CREB3L3: variants seen among roughly 807,000 people sequenced by gnomAD.
CREB3L3 encodes the protein cyclic AMP-responsive element-binding protein 3-like protein 3.
Under a neutral mutation model 44.6 loss-of-function variants are expected in CREB3L3, and 40 were observed. That is an observed-to-expected ratio of 0.90 (90% CI 0.70 to 1.17). The LOEUF is 1.17. CREB3L3 is among the 50% of genes most tolerant of loss of function. The pLI is 0.00. For missense variants in CREB3L3, 578 were observed against 595.8 expected, an observed-to-expected ratio of 0.97 and a Z score of 0.31; for synonymous variants, 273 against 256.3, an observed-to-expected ratio of 1.06 and a Z score of -0.62.
chr19:4,170,165 C>A lies in CREB3L3; in HGVS notation c.847C>A (p.Gln283Lys). Residue 283 changes from glutamine (Q) to lysine (K), a missense_variant, in exon 7 of 10, where the codon CAG becomes AAG. Transcript: ENST00000078445. ...TRMSACTAQNQELQRKVLHLE... is the reference protein window; with the variant it reads ...TRMSACTAQNKELQRKVLHLE... The stretch of plus-strand genomic sequence containing the variant: ...GATGTCAGCTTGCACTGCTCAGAAT[C>A]AGGAGTTACAGAGGAAAGTCTTGCA... 6 of 1,614,100 alleles carry A rather than the reference C, an allele frequency of 3.7e-6. No homozygotes were observed. Among genetic ancestry groups the A allele is most frequent in the Non-Finnish European group, 5.1e-6 (6 of 1,179,978 alleles).
chr19:4,155,094 A>T (rs145685492), intron 2 of CREB3L3, 67 bp downstream of exon 2: 1 of 1,590,266 alleles, frequency 6.3e-7, no homozygotes. Flanking sequence ...GGCCCCACGA[A>T]GGTGCTAGAC....
At chr19:4,170,383 G>GT (rs1275773688) in intron 7 of CREB3L3, among the ~76,000 whole-genome samples, 175 bp downstream of exon 7, 1 of 152,080 alleles carries the variant, frequency 6.6e-6, no homozygotes, top group East Asian at 1.9e-4. Context: ...GCCGAGGCGG[G>GT]TGGATCACCT....
At chr19:4,156,829 T>C (rs1169278441) in intron 2 of CREB3L3, among the ~76,000 whole-genome samples, 166 bp from the exon 3 acceptor site, 2 of 151,722 alleles carry the variant, frequency 1.3e-5, no homozygotes, top group African/African-American at 4.8e-5. Context: ...GCTATGTTAC[T>C]GCGTTTGAGC....
chr19:4,158,799 CAAAAAAAAA>C (rs760741012), intron 3 of CREB3L3, among the ~76,000 whole-genome samples: 3 of 64,314 alleles, frequency 4.7e-5, no homozygotes, highest in African/African-American at 1.4e-4. Flanking sequence ...GACTCCGTCT[CAAAAAAAAA>C]AAAAAAAAAA....
intron 2 of CREB3L3, among the ~76,000 whole-genome samples, chr19:4,155,385 G>A (rs1219545976): frequency 6.8e-6 from 1 of 146,648 alleles, no homozygotes; most frequent in African/African-American, 2.5e-5. Flanking sequence ...TTTTGAAGGA[G>A]TCTCGCTCTG....
chr19:4,167,065 G>A (rs1048356260), intron 5 of CREB3L3, among the ~76,000 whole-genome samples: 2 of 152,100 alleles, frequency 1.3e-5, no homozygotes, highest in Admixed American at 6.6e-5. Flanking sequence ...CTTATTGGCC[G>A]GGTGTGGTGT....
chr19:4,169,482 AAAAC>A (rs1966995019), intron 6 of CREB3L3, among the ~76,000 whole-genome samples: 1 of 152,030 alleles, frequency 6.6e-6, no homozygotes, highest in African/African-American at 2.4e-5. Flanking sequence ...TCCATCTCAA[AAAAC>A]AAACAAACAA....
chr19:4,170,281 G>T (rs1303123566), intron 7 of CREB3L3, 73 bp downstream of exon 7: 2 of 1,433,696 alleles, frequency 1.4e-6, no homozygotes, highest in Non-Finnish European at 9.8e-7. Context: ...AGAGCAGAGA[G>T]CCCATGTGAT....
At chr19:4,164,760 A>G in intron 5 of CREB3L3, 120 bp downstream of exon 5, 2 of 1,191,262 alleles carry the variant, frequency 1.7e-6, no homozygotes. Context: ...TGAGGCTGGG[A>G]TGCAGTGGCA....
At chr19:4,169,315 A>T (rs350854) in intron 6 of CREB3L3, among the ~76,000 whole-genome samples, 134,306 of 151,452 alleles carry the variant, frequency 0.89, 59,934 homozygotes, top group African/African-American at 0.96. Flanking sequence ...CTGTCTTTAC[A>T]AAAAATCCAA....
Position 4,171,138 on chromosome 19 carries a change from C to A in CREB3L3, c.938C>A (p.Ser313Tyr), listed in dbSNP as rs1967037061. The A allele has an allele frequency of 1.2e-6, 2 of 1,613,952 alleles. No individual in the cohort carries two copies. The highest frequency in any genetic ancestry group is 2.7e-5 in the African/African-American group (2 of 74,900). The change falls in exon 8 of 10, where the codon TCC becomes TAC. Residue 313 changes from serine (S) to tyrosine (Y), a missense_variant. Ser to Tyr is a moderately radical substitution (Grantham distance 144, BLOSUM62 -2). Coordinates refer to ENST00000078445, the MANE Select transcript of CREB3L3 (RefSeq NM_032607.3). The surrounding 1 kb of genome is among the most constrained non-coding windows in gnomAD (Gnocchi z 4.9). The part of the protein sequence containing the change: ...LKKLQAIVVQ[S>Y]TSKSAQTGTC... ...AAACTCCAGGCCATTGTGGTGCAGT[C>A]CACCAGCAAGTCAGCCCAGACAGGC...
intron 4 of CREB3L3, among the ~76,000 whole-genome samples, chr19:4,162,973 T>C (rs1374718222): frequency 1.3e-5 from 2 of 151,772 alleles, no homozygotes; most frequent in East Asian, 1.9e-4. Context: ...CAAGACCCTA[T>C]TTCAAAAATA....
intron 5 of CREB3L3, among the ~76,000 whole-genome samples, chr19:4,165,802 G>A (rs532046472): frequency 6.6e-6 from 1 of 152,036 alleles, no homozygotes; most frequent in African/African-American, 2.4e-5. Flanking sequence ...CCTTGAACCC[G>A]GGAGGTGGAG....
chr19:4,153,819 GA>G, intron 1 of CREB3L3, 45 bp downstream of exon 1: 1 of 1,608,686 alleles, frequency 6.2e-7, no homozygotes, highest in Non-Finnish European at 8.5e-7. Flanking sequence ...TCTAGGCTGG[GA>G]AAGCCTACCC....
At chr19:4,154,835 G>T in intron 1 of CREB3L3, 64 bp from the exon 2 acceptor site, 1 of 1,610,110 alleles carries the variant, frequency 6.2e-7, no homozygotes, top group Non-Finnish European at 8.5e-7. Context: ...AGGGTTATGT[G>T]CACATGGGAG....
rs1434071058 is a variant in CREB3L3 at position 4,160,918 on chromosome 19, T to C, written c.576+1136T>C. Among the ~76,000 whole-genome samples the C allele has an allele frequency of 3.3e-5, 4 of 122,450 alleles. No homozygotes were observed. The East Asian group carries it at 6.4e-4, about 20-fold the overall frequency. The allele number at this position is 122,450 out of a possible 152,430, so 80.3% of individuals were successfully genotyped here. A position where few individuals can be genotyped will look rare whatever the true frequency, so the allele number is the denominator to read the frequency against. On this transcript the variant is annotated intron_variant, in intron 4 of 9. Transcript: ENST00000078445. The stretch of plus-strand genomic sequence containing the variant: ...CTGTCTAATTTTTCTTTTCTTTTTT[T>C]TTTTTTTTTTTGAGACGGAGTCTTG...
rs1216415599 is a variant in CREB3L3, at chr19:4,171,891, C to G, written c.1308C>G (p.Ala436=). 43 of 1,612,780 alleles carry G rather than the reference C, an allele frequency of 2.7e-5. No homozygotes were observed. The highest frequency in any genetic ancestry group is 3.6e-5 in the Non-Finnish European group (42 of 1,179,814). Residue 436 remains alanine (A), a synonymous_variant, in exon 10 of 10, where the codon GCC becomes GCG. Transcript: ENST00000078445. This position sits in a 1 kb window ranked among gnomAD's most constrained non-coding sequence, Gnocchi z 4.9. ...RNATEGLGQV[A]LLDWVAPGPS... is the part of the protein sequence containing the mutation. Reference sequence around the variant, plus strand: ...CAACAGAGGGGCTGGGCCAGGTCGCCCTGCTGGACTGGGTGGCGCCTGGGC... The same window carrying G: ...CAACAGAGGGGCTGGGCCAGGTCGCGCTGCTGGACTGGGTGGCGCCTGGGC...
rs376072839 is a variant in CREB3L3 at position 4,171,356 on chromosome 19, G to A, written c.976-27G>A. Reference sequence around the variant, plus strand: ...ATGCTTGCAGGGGAGGGGAGGGAGGGGGTGACTCTGCCGCTGTCTCCACCA... The same window carrying A: ...ATGCTTGCAGGGGAGGGGAGGGAGGAGGTGACTCTGCCGCTGTCTCCACCA... On this transcript the variant is annotated intron_variant, in intron 8 of 9. Transcript: ENST00000078445. The surrounding 1 kb of genome is among the most constrained non-coding windows in gnomAD (Gnocchi z 4.9). 69 of 1,600,274 alleles carry A rather than the reference G, an allele frequency of 4.3e-5. No homozygotes were observed. The highest frequency in any genetic ancestry group is 6.7e-5 in the Admixed American group (4 of 59,926).
At chr19:4,169,489 A>G (rs1046614578) in intron 6 of CREB3L3, among the ~76,000 whole-genome samples, 4 of 151,846 alleles carry the variant, frequency 2.6e-5, no homozygotes, top group South Asian at 4.2e-4. Flanking sequence ...CAAAAAACAA[A>G]CAAACAAAAA....
Sources: allele counts gnomAD v4.1 joint callset (sites outside exome capture counted in the v4.1 genomes callset), GRCh38; gene constraint gnomAD v4.1.1; non-coding constraint Gnocchi (gnomAD v3.1); transcripts MANE v1.5; gene names NCBI Gene and HGNC (gene_info 2026-07-23, HGNC 2026-07-21).